Variants in ETV6 observed in about 807,000 individuals in gnomAD.
The protein encoded by ETV6 is transcription factor ETV6.
ETV6 carries 16 observed loss-of-function variants against 51.1 expected under a neutral mutation model. That is an observed-to-expected ratio of 0.31 (90% CI 0.21 to 0.48). The LOEUF is 0.48. Ranked by LOEUF, ETV6 falls within the 20% of genes least tolerant of loss-of-function variation. The pLI is 0.99. For synonymous variants in ETV6, 240 were observed against 224.1 expected (o/e 1.07, Z -0.64); for missense variants, 458 against 594.8 (o/e 0.77, Z 2.39).
At chr12:11,841,087 C>A (rs988563294) in intron 3 of ETV6, among the ~76,000 whole-genome samples, 1 of 152,226 alleles carries the variant, frequency 6.6e-6, no homozygotes, top group East Asian at 1.9e-4. Flanking sequence ...TCCCAAGTCT[C>A]TATAAATTTC....
intron 1 of ETV6, among the ~76,000 whole-genome samples, chr12:11,681,800 A>G (rs1211186337): frequency 6.6e-6 from 1 of 152,124 alleles, no homozygotes; most frequent in Non-Finnish European, 1.5e-5. Flanking sequence ...ACTCCCATTT[A>G]TGAGTGAGAA....
chr12:11,707,605 A>G (rs1425269978), intron 1 of ETV6, among the ~76,000 whole-genome samples: 1 of 152,192 alleles, frequency 6.6e-6, no homozygotes, highest in African/African-American at 2.4e-5. Context: ...CTTTTAGTGT[A>G]TGGAAAGAAT....
At chr12:11,792,393 A>T (rs1049227230) in intron 2 of ETV6, among the ~76,000 whole-genome samples, 7 of 152,184 alleles carry the variant, frequency 4.6e-5, no homozygotes, top group East Asian at 1.9e-4. Context: ...GATTACATTT[A>T]AAAATTAATC....
intron 1 of ETV6, among the ~76,000 whole-genome samples, chr12:11,664,084 G>C (rs1448314949): frequency 6.6e-6 from 1 of 152,218 alleles, no homozygotes; most frequent in Non-Finnish European, 1.5e-5. Flanking sequence ...CGTTGGCAAA[G>C]CAGGGTTCCT....
At chr12:11,887,219 C>T (rs1400568180) in intron 7 of ETV6, among the ~76,000 whole-genome samples, 1 of 152,178 alleles carries the variant, frequency 6.6e-6, no homozygotes. Flanking sequence ...AAACGCAGTC[C>T]TTGGCTCCCT....
At chr12:11,666,397 C>T (rs1364616660) in intron 1 of ETV6, among the ~76,000 whole-genome samples, 4 of 152,174 alleles carry the variant, frequency 2.6e-5, no homozygotes, top group Admixed American at 1.3e-4. Context: ...AATGACTGGG[C>T]ATACTATGGG....
At chr12:11,844,599 GGGCT>G (rs1946433948) in intron 3 of ETV6, among the ~76,000 whole-genome samples, 1 of 152,098 alleles carries the variant, frequency 6.6e-6, no homozygotes, top group African/African-American at 2.4e-5. Flanking sequence ...CCAGATTGAA[GGGCT>G]GTGTCAACTG....
At chr12:11,668,185 C>A (rs1864232116) in intron 1 of ETV6, among the ~76,000 whole-genome samples, 1 of 141,892 alleles carries the variant, frequency 7.0e-6, no homozygotes, top group African/African-American at 2.6e-5. Context: ...ACATTGTTTT[C>A]AGTTGAAATT....
At chr12:11,810,402 G>T (rs1945896338) in intron 2 of ETV6, among the ~76,000 whole-genome samples, 1 of 152,206 alleles carries the variant, frequency 6.6e-6, no homozygotes, top group South Asian at 2.1e-4. Context: ...GCATTTCGAA[G>T]ACCTTGAAAG....
intron 1 of ETV6, among the ~76,000 whole-genome samples, chr12:11,660,161 A>G (rs1351147201): frequency 5.9e-5 from 9 of 152,154 alleles, no homozygotes; most frequent in Admixed American, 5.2e-4. Context: ...TGTCACATGT[A>G]CCCCCAAAAT....
intron 2 of ETV6, among the ~76,000 whole-genome samples, chr12:11,795,952 C>T (rs1945669447): frequency 6.6e-6 from 1 of 152,184 alleles, no homozygotes; most frequent in Non-Finnish European, 1.5e-5. Flanking sequence ...AGGAAGGAGG[C>T]TGCCACCCTT....
chr12:11,654,858 A>G (rs1160983880), intron 1 of ETV6, among the ~76,000 whole-genome samples: 2 of 152,108 alleles, frequency 1.3e-5, no homozygotes, highest in African/African-American at 4.8e-5. Flanking sequence ...AGACAATCCT[A>G]TTTATACTTT....
chr12:11,872,412 A>G (rs1386736530), intron 5 of ETV6, among the ~76,000 whole-genome samples: 6 of 152,106 alleles, frequency 3.9e-5, no homozygotes, highest in Admixed American at 1.3e-4. Context: ...AGAAAGACAC[A>G]TGGTTTAGAC....
At chr12:11,885,469 G>T (rs1288457641) in intron 6 of ETV6, among the ~76,000 whole-genome samples, 1 of 152,134 alleles carries the variant, frequency 6.6e-6, no homozygotes, top group Admixed American at 6.5e-5. Context: ...TTAAACAAAA[G>T]AATTGTCTTC....
chr12:11,792,761 T>C (rs1033601740), intron 2 of ETV6, among the ~76,000 whole-genome samples: 2 of 152,038 alleles, frequency 1.3e-5, no homozygotes, highest in Non-Finnish European at 2.9e-5. Flanking sequence ...ATTCATCTAC[T>C]GTAAAACCAA....
intron 1 of ETV6, among the ~76,000 whole-genome samples, chr12:11,729,834 G>GA (rs1223165108): frequency 6.6e-6 from 1 of 152,104 alleles, no homozygotes; most frequent in African/African-American, 2.4e-5. Flanking sequence ...CTTTTGTAGT[G>GA]AAAAAATAAC....
chr12:11,889,091 G>A (rs1947249236), intron 7 of ETV6, among the ~76,000 whole-genome samples: 2 of 152,112 alleles, frequency 1.3e-5, no homozygotes, highest in African/African-American at 4.8e-5. Context: ...ATATGGGAAA[G>A]TCGTCAAAAG....
At chr12:11,787,022 G>A (rs1040392773) in intron 2 of ETV6, among the ~76,000 whole-genome samples, 1 of 152,018 alleles carries the variant, frequency 6.6e-6, no homozygotes, top group African/African-American at 2.4e-5. Flanking sequence ...GTCCAATTAT[G>A]CCCCCTAAAC....
In ETV6 at chr12:11,891,957, G is replaced by C. The variant is rs1018989871; in HGVS notation, c.*911G>C. ...GCTGTGAGAACCATGTGTCTAAGGC[G>C]TAAGATAAGGATGGAAGGCTGTCCA... is the stretch of plus-strand genomic sequence containing the variant. On this transcript the variant is annotated 3_prime_UTR_variant, in exon 8 of 8. Transcript: ENST00000396373. 4.2e-6 allele frequency: 1 copy of C among 240,686 alleles called. No individual in the cohort carries two copies. The highest frequency in any genetic ancestry group is 1.5e-4 in the South Asian group (1 of 6,584). 14.9% of individuals were successfully genotyped at this position (240,686 alleles called of 1,614,324 possible). A position where few individuals can be genotyped will look rare whatever the true frequency, so the allele number is the denominator to read the frequency against.
Sources: allele counts gnomAD v4.1 joint callset (sites outside exome capture counted in the v4.1 genomes callset), GRCh38; gene constraint gnomAD v4.1.1; transcripts MANE v1.5; gene names NCBI Gene and HGNC (gene_info 2026-07-23, HGNC 2026-07-21).